EIF1: variants seen among roughly 807,000 people sequenced by gnomAD.
EIF1 encodes eukaryotic translation initiation factor 1, also known as protein translation factor SUI1 homolog.
Under a neutral mutation model 13.7 loss-of-function variants are expected in EIF1, and 4 were observed. The ratio of observed to expected loss-of-function variants is 0.29; its 90% confidence interval spans 0.14 to 0.67. The LOEUF (loss-of-function observed/expected upper bound fraction) is 0.67, where lower values mean the gene tolerates loss of function less well. Among genes scored for constraint, EIF1 ranks in the 30% least tolerant of loss-of-function variants. The probability of loss-of-function intolerance (pLI) is 0.77; values close to 1 mark genes in which losing one functional copy is unlikely to be tolerated. For missense variants in EIF1, 64 were observed against 138.0 expected, an observed-to-expected ratio of 0.46 and a Z score of 2.69; for synonymous variants, 67 against 50.7, an observed-to-expected ratio of 1.32 and a Z score of -1.37.
Position 41,690,912 on chromosome 17 carries a change from C to G in EIF1, c.*86C>G. On this transcript the variant is annotated 3_prime_UTR_variant, in exon 4 of 4. Transcript: ENST00000469257. ...CTCTCCCTTGTCACAGGTTTAAAAA[C>G]CTCACAGCTTGTATAATGTAACCAT... The G allele has an allele frequency of 2.7e-6, 4 of 1,484,404 alleles. No homozygotes were observed. The highest frequency in any genetic ancestry group is 3.8e-6 in the Non-Finnish European group (4 of 1,065,332). The allele number at this position is 1,484,404 out of a possible 1,614,324, so 92.0% of individuals were successfully genotyped here.
At chr17:41,689,345 C>CCCCTCCCGT in intron 1 of EIF1, 1 of 567,874 alleles carries the variant, frequency 1.8e-6, no homozygotes, top group East Asian at 3.0e-5. Context: ...GCCACACCCG[C>CCCCTCCCGT]CCCTCCCGTC....
intron 2 of EIF1, 61 bp from the exon 3 acceptor site, chr17:41,690,027 A>T: frequency 1.9e-6 from 3 of 1,610,554 alleles, no homozygotes; most frequent in Non-Finnish European, 2.5e-6. Flanking sequence ...TGTTAGCGGA[A>T]GGGGTGATAA....
Position 41,691,491 on chromosome 17 carries a change from A to ATG in EIF1, c.*667_*668dup, listed in dbSNP as rs2143090852. 1 of 153,316 alleles carries ATG rather than the reference A, an allele frequency of 6.5e-6. No homozygotes were observed. Among genetic ancestry groups the ATG allele is most frequent in the Non-Finnish European group, 1.5e-5 (1 of 68,428 alleles). 9.5% of individuals were successfully genotyped at this position (153,316 alleles called of 1,614,324 possible). ...CAAATCTCAAACTGATCCATCAGTC[A>ATG]TGTAGCTAGCTGTAGAGCTTGCAAC... On this transcript the variant is annotated 3_prime_UTR_variant, in exon 4 of 4. Transcript: ENST00000469257.
chr17:41,690,623 A>C, intron 3 of EIF1, 159 bp from the exon 4 acceptor site: 1 of 679,412 alleles, frequency 1.5e-6, no homozygotes, highest in African/African-American at 1.8e-5. Context: ...GAGTGTTCAA[A>C]AAAGGTAGCT....
chr17:41,692,265 TG>T lies in EIF1; in HGVS notation c.*1442del, dbSNP rs1215684305. 1 of 152,196 alleles carries T rather than the reference TG, an allele frequency of 6.6e-6. No individual in the cohort carries two copies. Among genetic ancestry groups the T allele is most frequent in the Admixed American group, 6.5e-5 (1 of 15,280 alleles). 9.4% of individuals were successfully genotyped at this position (152,196 alleles called of 1,614,324 possible). A position where few individuals can be genotyped will look rare whatever the true frequency, so the allele number is the denominator to read the frequency against. On this transcript the variant is annotated 3_prime_UTR_variant, in exon 4 of 4. Coordinates refer to ENST00000469257, the MANE Select transcript of EIF1 (RefSeq NM_005801.4). ...GGCTATAACAAGGGCATTCATGCTG[TG>T]GGTTAAGATCCACAAATCGCTAGGA...
chr17:41,689,463 T>C (rs533229238), intron 1 of EIF1: 18 of 454,422 alleles, frequency 4.0e-5, no homozygotes, highest in African/African-American at 3.6e-4. Context: ...GTGGGAGGCT[T>C]AGCCCCGCCT....
In EIF1 at chr17:41,692,287, T is replaced by C. The variant is rs2143093330; in HGVS notation, c.*1461T>C. The C allele has an allele frequency of 6.6e-6, 1 of 152,162 alleles. No homozygotes were observed. The highest frequency in any genetic ancestry group is 1.9e-4 in the East Asian group (1 of 5,200). The allele number at this position is 152,162 out of a possible 1,614,324, so 9.4% of individuals were successfully genotyped here. A position where few individuals can be genotyped will look rare whatever the true frequency, so the allele number is the denominator to read the frequency against. ...CTGTGGGTTAAGATCCACAAATCGC[T>C]AGGAATGTGTATACTCTGGGTAGTA... On this transcript the variant is annotated 3_prime_UTR_variant, in exon 4 of 4. Coordinates refer to ENST00000469257, the MANE Select transcript of EIF1 (RefSeq NM_005801.4).
At position 41,691,430 on chromosome 17, in the gene EIF1, C is replaced by A. The variant is rs1328412936; in HGVS notation, c.*604C>A. On this transcript the variant is annotated 3_prime_UTR_variant, in exon 4 of 4. Transcript: ENST00000469257. ...ATGTCCAAACATCAGAATGTGAGGC[C>A]AACCTTCTATCAGAGTTAAACTTTT... The A allele has an allele frequency of 6.4e-6, 1 of 155,306 alleles. No individual in the cohort carries two copies. Among genetic ancestry groups the A allele is most frequent in the Non-Finnish European group, 1.4e-5 (1 of 70,018 alleles). 9.6% of individuals were successfully genotyped at this position (155,306 alleles called of 1,614,324 possible).
chr17:41,690,029 G>A lies in EIF1; in HGVS notation c.196-59G>A, dbSNP rs549176797. ...GTGTTGTATGTATTGTTAGCGGAAGGGGTGATAAATGCGTTCATGCTCTTG... is the reference window on the plus strand; with the variant it reads ...GTGTTGTATGTATTGTTAGCGGAAGAGGTGATAAATGCGTTCATGCTCTTG... On this transcript the variant is annotated intron_variant, in intron 2 of 3. Transcript: ENST00000469257. The A allele has an allele frequency of 1.4e-4, 221 of 1,610,316 alleles. 1 individual carries two copies. In the African/African-American group the frequency reaches 2.7e-3, roughly 20 times the overall value.
rs532083635 is a variant in EIF1, at chr17:41,691,334, C to T, written c.*508C>T. On this transcript the variant is annotated 3_prime_UTR_variant, in exon 4 of 4. Coordinates refer to ENST00000469257, the MANE Select transcript of EIF1 (RefSeq NM_005801.4). ...GACAGAGCTCAAAGAGGCCCTCTTA[C>T]CGCTAGCGAGGTGATAGGACATCTG... 2 of 198,238 alleles carry T rather than the reference C, an allele frequency of 1.0e-5. No individual in the cohort carries two copies. Among genetic ancestry groups the T allele is most frequent in the South Asian group, 1.8e-4 (1 of 5,664 alleles). The allele number at this position is 198,238 out of a possible 1,614,324, so 12.3% of individuals were successfully genotyped here. A position where few individuals can be genotyped will look rare whatever the true frequency, so the allele number is the denominator to read the frequency against.
Position 41,691,017 on chromosome 17 carries a change from G to C in EIF1, c.*191G>C, listed in dbSNP as rs537245729. The C allele has an allele frequency of 3.7e-5, 23 of 619,062 alleles. No individual in the cohort carries two copies. In the African/African-American group the frequency reaches 4.2e-4, roughly 11 times the overall value. 38.3% of individuals were successfully genotyped at this position (619,062 alleles called of 1,614,324 possible). ...AAGAGCCATGCTGTCTAGTCTTGAA[G>C]TCCCTCATTTAAACAGAGGTCAAGC... is the stretch of plus-strand genomic sequence containing the variant. On this transcript the variant is annotated 3_prime_UTR_variant, in exon 4 of 4. Transcript: ENST00000469257.
In EIF1 at chr17:41,690,114, T is replaced by C. The variant is rs1597718475; in HGVS notation, c.222T>C (p.Ile74=). The stretch of plus-strand genomic sequence containing the variant: ...AGTTTGCCTGCAATGGTACTGTAAT[T>C]GAGCATCCGGAATATGGAGAAGTAA... ...KKKFACNGTV[I]EHPEYGEVIQ... The change falls in exon 3 of 4, where the codon ATT becomes ATC. Residue 74 remains isoleucine, a synonymous_variant. Coordinates refer to ENST00000469257, the MANE Select transcript of EIF1 (RefSeq NM_005801.4). 2 of 1,614,192 alleles carry C rather than the reference T, an allele frequency of 1.2e-6. No individual in the cohort carries two copies.
chr17:41,690,499 C>T (rs1910340953), intron 3 of EIF1: 1 of 549,072 alleles, frequency 1.8e-6, no homozygotes, highest in Non-Finnish European at 3.2e-6. Flanking sequence ...AAATGAATTT[C>T]CTGAGTATTA....
chr17:41,689,472 C>T (rs1223544240), intron 1 of EIF1: 6 of 452,582 alleles, frequency 1.3e-5, no homozygotes, highest in East Asian at 7.6e-5. Context: ...TTAGCCCCGC[C>T]TCGGGAGCTC....
chr17:41,689,333 G>C (rs1454174439), intron 1 of EIF1: 5 of 575,620 alleles, frequency 8.7e-6, no homozygotes, highest in Non-Finnish European at 1.5e-5. Context: ...GGGCCTCCTC[G>C]GGCCACACCC....
Position 41,691,887 on chromosome 17 carries a change from C to G in EIF1, c.*1061C>G, listed in dbSNP as rs1442592820. 6.6e-6 allele frequency: 1 copy of G among 152,282 alleles called. No individual in the cohort carries two copies. Among genetic ancestry groups the G allele is most frequent in the South Asian group, 2.1e-4 (1 of 4,840 alleles). 9.4% of individuals were successfully genotyped at this position (152,282 alleles called of 1,614,324 possible). ...TGGCACAATCTCGGCTCACTGCAAC[C>G]TCCACCTCAGGTTCAAGCAATTGTC... On this transcript the variant is annotated 3_prime_UTR_variant, in exon 4 of 4. Coordinates refer to ENST00000469257, the MANE Select transcript of EIF1 (RefSeq NM_005801.4).
rs747406276 is a variant in EIF1 at position 41,690,951 on chromosome 17, T to G, written c.*125T>G. ...TAATGTAACCATTTGGGGTCCGCTT[T>G]TAACTTGGACTAGTGTAACTCCTTC... On this transcript the variant is annotated 3_prime_UTR_variant, in exon 4 of 4. Coordinates refer to ENST00000469257, the MANE Select transcript of EIF1 (RefSeq NM_005801.4). 5.6e-6 allele frequency: 6 copies of G among 1,068,570 alleles called. No individual in the cohort carries two copies. 66.2% of individuals were successfully genotyped at this position (1,068,570 alleles called of 1,614,324 possible). A position where few individuals can be genotyped will look rare whatever the true frequency, so the allele number is the denominator to read the frequency against.
At chr17:41,689,505 C>G (rs1407575310) in intron 1 of EIF1, 7 of 465,070 alleles carry the variant, frequency 1.5e-5, no homozygotes, top group Non-Finnish European at 2.3e-5. Context: ...GTTGCATCAG[C>G]TGGGTGGGGC....
Position 41,690,817 on chromosome 17 carries a change from T to C in EIF1, c.333T>C (p.His111=), listed in dbSNP as rs776251054. 3 of 1,613,836 alleles carry C rather than the reference T, an allele frequency of 1.9e-6. No homozygotes were observed. The highest frequency in any genetic ancestry group is 2.2e-5 in the South Asian group (2 of 91,072). Residue 111 remains histidine (H), a synonymous_variant, in exon 4 of 4, where the codon CAT becomes CAC. Coordinates refer to ENST00000469257, the MANE Select transcript of EIF1 (RefSeq NM_005801.4). ...CTAAGGACGATCAGCTGAAGGTTCA[T>C]GGGTTTTAAGTGCTTGTGGCTCACT... ...GLAKDDQLKV[H]GF is the part of the protein sequence containing the mutation.
Sources: gnomAD v4.1 joint callset for allele counts on GRCh38, gnomAD v4.1.1 for gene constraint, MANE v1.5 for transcripts, NCBI Gene and HGNC (gene_info 2026-07-23, HGNC 2026-07-21) for gene names.